Variants in SLC2A13 observed in about 807,000 individuals in gnomAD.
SLC2A13 encodes the protein proton myo-inositol cotransporter.
Under a neutral mutation model 64.4 loss-of-function variants are expected in SLC2A13, and 32 were observed. The observed-to-expected ratio is 0.50, with a 90% CI of 0.37 to 0.67. The LOEUF (loss-of-function observed/expected upper bound fraction) is 0.67. Among genes scored for constraint, SLC2A13 ranks in the 30% least tolerant of loss-of-function variants. The pLI is 0.00. For missense variants in SLC2A13, 743 were observed against 829.2 expected, an observed-to-expected ratio of 0.90 and a Z score of 1.28; for synonymous variants, 338 against 327.1, an observed-to-expected ratio of 1.03 and a Z score of -0.36.
At chr12:39,896,441 T>C (rs963519284) in intron 4 of SLC2A13, among the ~76,000 whole-genome samples, 3 of 143,892 alleles carry the variant, frequency 2.1e-5, no homozygotes, top group South Asian at 2.1e-4. Flanking sequence ...TGTATACATA[T>C]ATGTATATGT....
intron 4 of SLC2A13, among the ~76,000 whole-genome samples, chr12:39,873,671 C>T (rs1286955614): frequency 2.0e-5 from 3 of 152,052 alleles, no homozygotes; most frequent in Non-Finnish European, 4.4e-5. Flanking sequence ...TATTTTGATG[C>T]TTTCATTTTC....
chr12:39,944,013 T>C (rs1946090979), intron 4 of SLC2A13, among the ~76,000 whole-genome samples: 2 of 152,226 alleles, frequency 1.3e-5, no homozygotes, highest in African/African-American at 4.8e-5. Flanking sequence ...AGCATCACCT[T>C]TGCTGTAACC....
chr12:40,029,257 A>C (rs1001764007), intron 2 of SLC2A13, among the ~76,000 whole-genome samples: 2 of 152,138 alleles, frequency 1.3e-5, no homozygotes, highest in Non-Finnish European at 2.9e-5. Context: ...TATATCAAAG[A>C]TCTCTCCAAA....
In SLC2A13 at chr12:39,759,790, T is replaced by C; in HGVS notation, c.*236A>G. On this transcript the variant is annotated 3_prime_UTR_variant, in exon 10 of 10. Transcript: ENST00000280871. ...TATTTCAGGAAGGCATTACACACAT[T>C]TGCTTAAGAATTATTAGATTAAAAT... 1 of 478,746 alleles carries C rather than the reference T, an allele frequency of 2.1e-6. No homozygotes were observed. The highest frequency in any genetic ancestry group is 3.7e-6 in the Non-Finnish European group (1 of 269,758). The allele number at this position is 478,746 out of a possible 1,614,324, so 29.7% of individuals were successfully genotyped here.
intron 4 of SLC2A13, among the ~76,000 whole-genome samples, chr12:39,899,759 A>G (rs1186465559): frequency 1.3e-5 from 2 of 152,124 alleles, no homozygotes; most frequent in African/African-American, 2.4e-5. Flanking sequence ...ATTCAGGAGC[A>G]GGTTGTTCAG....
intron 7 of SLC2A13, among the ~76,000 whole-genome samples, chr12:39,820,858 T>C (rs867688901): frequency 1.2e-4 from 18 of 151,344 alleles, no homozygotes; most frequent in African/African-American, 4.4e-4. Context: ...CCTTTGTTTG[T>C]TCTTCATAAA....
At chr12:39,940,083 T>A (rs539437073) in intron 4 of SLC2A13, among the ~76,000 whole-genome samples, 1 of 152,176 alleles carries the variant, frequency 6.6e-6, no homozygotes, top group African/African-American at 2.4e-5. Flanking sequence ...TTCCCATTAA[T>A]TCACTAACTT....
At chr12:40,075,723 C>A (rs1193804391) in intron 1 of SLC2A13, among the ~76,000 whole-genome samples, 1 of 152,104 alleles carries the variant, frequency 6.6e-6, no homozygotes, top group Non-Finnish European at 1.5e-5. Flanking sequence ...TGGCATTATG[C>A]TGACACAAAT....
In SLC2A13 at chr12:39,951,152, G is replaced by A. The variant is rs906286915; in HGVS notation, c.1034+105C>T. ...AAAGGAGAATTCATACATTTAATCA[G>A]AACAAATCACTGAGTCTAGTATTTA... On this transcript the variant is annotated intron_variant, in intron 4 of 9. Transcript: ENST00000280871. 3 of 964,528 alleles carry A rather than the reference G, an allele frequency of 3.1e-6. No individual in the cohort carries two copies. In the African/African-American group the frequency reaches 5.0e-5, roughly 16 times the overall value. The allele number at this position is 964,528 out of a possible 1,614,324, so 59.7% of individuals were successfully genotyped here. A position where few individuals can be genotyped will look rare whatever the true frequency, so the allele number is the denominator to read the frequency against.
chr12:39,851,706 T>G (rs1388724559), intron 6 of SLC2A13, among the ~76,000 whole-genome samples: 3 of 152,194 alleles, frequency 2.0e-5, no homozygotes, highest in African/African-American at 7.2e-5. Flanking sequence ...GAATGAAGGA[T>G]GGATTTGTAT....
intron 7 of SLC2A13, among the ~76,000 whole-genome samples, chr12:39,778,427 T>C (rs983197755): frequency 6.6e-6 from 1 of 152,102 alleles, no homozygotes; most frequent in African/African-American, 2.4e-5. Flanking sequence ...CATATTCTAG[T>C]TGTCACAAAG....
Position 40,105,155 on chromosome 12 carries a change from A to G in SLC2A13, c.556+98T>C. 1 of 1,401,262 alleles carries G rather than the reference A, an allele frequency of 7.1e-7. No homozygotes were observed. The highest frequency in any genetic ancestry group is 9.2e-7 in the Non-Finnish European group (1 of 1,082,438). The allele number at this position is 1,401,262 out of a possible 1,614,324, so 86.8% of individuals were successfully genotyped here. On this transcript the variant is annotated intron_variant, in intron 1 of 9. Coordinates refer to ENST00000280871, the MANE Select transcript of SLC2A13 (RefSeq NM_052885.4). The surrounding 1 kb of genome is among the most constrained non-coding windows in gnomAD (Gnocchi z 4.2). ...GTGGAGGATTCTCTGACCCTGGGAG[A>G]CCAGACGGGGACCCCGATGGGCAAG...
chr12:40,082,812 C>A (rs11175106), intron 1 of SLC2A13, among the ~76,000 whole-genome samples: 1 of 152,080 alleles, frequency 6.6e-6, no homozygotes, highest in East Asian at 1.9e-4. Flanking sequence ...AGGTCTGTAA[C>A]GAGAGTGGGC....
chr12:39,813,580 A>T (rs1358888208), intron 7 of SLC2A13, among the ~76,000 whole-genome samples: 1 of 152,214 alleles, frequency 6.6e-6, no homozygotes, highest in Non-Finnish European at 1.5e-5. Context: ...TTTCTTAAGA[A>T]CATCAAACAG....
At chr12:39,902,718 T>C (rs1176603607) in intron 4 of SLC2A13, among the ~76,000 whole-genome samples, 3 of 152,138 alleles carry the variant, frequency 2.0e-5, no homozygotes, top group Non-Finnish European at 4.4e-5. Flanking sequence ...CACCTTCATT[T>C]ACCTTTAGAC....
At chr12:39,941,168 T>C (rs1946018767) in intron 4 of SLC2A13, among the ~76,000 whole-genome samples, 1 of 152,000 alleles carries the variant, frequency 6.6e-6, no homozygotes, top group African/African-American at 2.4e-5. Context: ...TATCCACTTG[T>C]TGATTGATGG....
intron 7 of SLC2A13, among the ~76,000 whole-genome samples, chr12:39,777,776 C>G (rs905403243): frequency 6.6e-6 from 1 of 152,196 alleles, no homozygotes; most frequent in Admixed American, 6.5e-5. Context: ...TGGAGTTTGG[C>G]TGGGGCAGTC....
At chr12:39,989,517 C>A (rs1947094798) in intron 3 of SLC2A13, among the ~76,000 whole-genome samples, 1 of 152,144 alleles carries the variant, frequency 6.6e-6, no homozygotes, top group African/African-American at 2.4e-5. Flanking sequence ...TGGTGCCTGG[C>A]ATGTAACAGG....
At chr12:39,947,678 T>G (rs1376244523) in intron 4 of SLC2A13, among the ~76,000 whole-genome samples, 1 of 146,580 alleles carries the variant, frequency 6.8e-6, no homozygotes, top group African/African-American at 2.5e-5. Flanking sequence ...TTTTTTTTTT[T>G]GAGACGGAGT....
Sources: gnomAD v4.1 joint callset for allele counts (sites outside exome capture counted in the v4.1 genomes callset) on GRCh38, gnomAD v4.1.1 for gene constraint, Gnocchi (gnomAD v3.1) non-coding constraint, MANE v1.5 for transcripts, NCBI Gene and HGNC (gene_info 2026-07-23, HGNC 2026-07-21) for gene names.